ZNF521: variants seen among roughly 807,000 people sequenced by gnomAD.
ZNF521 encodes LYST-interacting protein 3.
ZNF521 carries 14 observed loss-of-function variants against 105.5 expected under a neutral mutation model. That is an observed-to-expected ratio of 0.13 (90% confidence interval 0.09 to 0.21). The LOEUF is 0.21. Among genes scored for constraint, ZNF521 ranks in the 10% least tolerant of loss-of-function variants. The pLI is 1.00. For missense variants in ZNF521, 1,233 were observed against 1,629.7 expected (o/e 0.76, Z 4.19); for synonymous variants, 635 against 606.0 (o/e 1.05, Z -0.70).
chr18:25,186,106 CT>C (rs1180263316), intron 5 of ZNF521, among the ~76,000 whole-genome samples: 2 of 152,162 alleles, frequency 1.3e-5, no homozygotes, highest in Non-Finnish European at 2.9e-5. Context: ...GAAAGTCTTA[CT>C]TTTCAGTCAG....
At chr18:25,245,797 G>A (rs998616333) in intron 3 of ZNF521, among the ~76,000 whole-genome samples, 1 of 152,112 alleles carries the variant, frequency 6.6e-6, no homozygotes, top group Non-Finnish European at 1.5e-5. Flanking sequence ...AGGATGGCTC[G>A]AGGCCTGGAG....
chr18:25,336,272 G>A (rs1169990628), intron 2 of ZNF521, among the ~76,000 whole-genome samples: 1 of 152,048 alleles, frequency 6.6e-6, no homozygotes, highest in African/African-American at 2.4e-5. Flanking sequence ...TGACTGAGGT[G>A]ATGCAGAAAA....
At chr18:25,329,503 C>A (rs963264380) in intron 2 of ZNF521, among the ~76,000 whole-genome samples, 3 of 152,122 alleles carry the variant, frequency 2.0e-5, no homozygotes, top group Non-Finnish European at 4.4e-5. Context: ...AACAAGAACA[C>A]AGCTCTCTAG....
chr18:25,229,390 G>A (rs540758005), intron 3 of ZNF521, among the ~76,000 whole-genome samples: 40 of 152,248 alleles, frequency 2.6e-4, no homozygotes, highest in Middle Eastern at 6.8e-3. Flanking sequence ...GTTGAAAACC[G>A]CATGATTTTG....
At chr18:25,237,894 G>A (rs1600195391) in intron 3 of ZNF521, among the ~76,000 whole-genome samples, 1 of 152,176 alleles carries the variant, frequency 6.6e-6, no homozygotes, top group Admixed American at 6.5e-5. Flanking sequence ...AGAAAGTCAA[G>A]GCTGTCATTC....
At chr18:25,187,795 T>C (rs2035752394) in intron 5 of ZNF521, among the ~76,000 whole-genome samples, 1 of 152,194 alleles carries the variant, frequency 6.6e-6, no homozygotes, top group Non-Finnish European at 1.5e-5. Flanking sequence ...AGCGAAGTAA[T>C]GGCAGCTTGA....
At chr18:25,209,162 C>T (rs1326764931) in intron 4 of ZNF521, among the ~76,000 whole-genome samples, 5 of 151,832 alleles carry the variant, frequency 3.3e-5, no homozygotes, top group Admixed American at 6.6e-5. Flanking sequence ...GACAGCATCT[C>T]GCTCTGTCAC....
At chr18:25,093,738 A>G (rs1368313932) in intron 5 of ZNF521, among the ~76,000 whole-genome samples, 1 of 152,196 alleles carries the variant, frequency 6.6e-6, no homozygotes, top group African/African-American at 2.4e-5. Context: ...TTCCTTGATT[A>G]TAATTATGTA....
chr18:25,132,755 C>G (rs540823237), intron 5 of ZNF521, among the ~76,000 whole-genome samples: 1 of 152,264 alleles, frequency 6.6e-6, no homozygotes, highest in East Asian at 1.9e-4. Context: ...CATGAGAATG[C>G]CCCCTTGGGC....
At position 25,062,687 on chromosome 18, in the gene ZNF521, T is replaced by C. The variant is rs760718188; in HGVS notation, c.*25A>G. 9 of 1,497,382 alleles carry C rather than the reference T, an allele frequency of 6.0e-6. No individual in the cohort carries two copies. The highest frequency in any genetic ancestry group is 8.0e-6 in the Non-Finnish European group (9 of 1,121,172). 92.8% of individuals were successfully genotyped at this position (1,497,382 alleles called of 1,614,324 possible). A position where few individuals can be genotyped will look rare whatever the true frequency, so the allele number is the denominator to read the frequency against. On this transcript the variant is annotated 3_prime_UTR_variant, in exon 8 of 8. Coordinates refer to ENST00000361524, the MANE Select transcript of ZNF521 (RefSeq NM_015461.3). ...TTCCCTTTTTGTGCCACAAAATCAA[T>C]TCTCCTTGAGAGACTGTACTTGCAC...
intron 7 of ZNF521, among the ~76,000 whole-genome samples, chr18:25,088,953 A>G (rs956938780): frequency 1.3e-5 from 2 of 152,196 alleles, no homozygotes; most frequent in African/African-American, 2.4e-5. Flanking sequence ...TTTGGGTGCA[A>G]AATTTTCAAC....
chr18:25,153,001 T>C (rs1822897585), intron 5 of ZNF521, among the ~76,000 whole-genome samples: 1 of 152,202 alleles, frequency 6.6e-6, no homozygotes, highest in South Asian at 2.1e-4. Flanking sequence ...TAGATATTTG[T>C]CTTAAAACAT....
At chr18:25,350,651 G>A (rs531179383) in intron 2 of ZNF521, among the ~76,000 whole-genome samples, 2 of 139,128 alleles carry the variant, frequency 1.4e-5, no homozygotes, top group African/African-American at 5.4e-5. Flanking sequence ...TTTTTTTTTC[G>A]GTTGTTGTTG....
intron 5 of ZNF521, among the ~76,000 whole-genome samples, chr18:25,108,758 G>A (rs1385069762): frequency 8.6e-6 from 1 of 115,830 alleles, no homozygotes; most frequent in Non-Finnish European, 1.9e-5. Context: ...CTGAGTAGCT[G>A]GGACTACAGG....
intron 5 of ZNF521, among the ~76,000 whole-genome samples, chr18:25,137,634 G>T (rs960467894): frequency 6.6e-6 from 1 of 152,032 alleles, no homozygotes; most frequent in African/African-American, 2.4e-5. Flanking sequence ...CATTTTTCCT[G>T]TCCAGATTCT....
At chr18:25,283,418 C>A (rs922430113) in intron 3 of ZNF521, among the ~76,000 whole-genome samples, 1 of 152,176 alleles carries the variant, frequency 6.6e-6, no homozygotes, top group Non-Finnish European at 1.5e-5. Flanking sequence ...GTCCAACATA[C>A]GCTAATTAAA....
intron 2 of ZNF521, among the ~76,000 whole-genome samples, chr18:25,332,742 C>G (rs1380964885): frequency 6.6e-6 from 1 of 152,132 alleles, no homozygotes; most frequent in African/African-American, 2.4e-5. Context: ...AATACAATCT[C>G]TCCAAAAGCC....
At chr18:25,293,053 T>C (rs1448731301) in intron 3 of ZNF521, among the ~76,000 whole-genome samples, 2 of 152,168 alleles carry the variant, frequency 1.3e-5, no homozygotes, top group Non-Finnish European at 2.9e-5. Flanking sequence ...CCATATATAT[T>C]CTGCCTTTAT....
At chr18:25,158,955 T>TAA (rs576679986) in intron 5 of ZNF521, among the ~76,000 whole-genome samples, 34 of 136,650 alleles carry the variant, frequency 2.5e-4, no homozygotes, top group Non-Finnish European at 3.6e-4. Context: ...GACTCCATCT[T>TAA]AAAAAAAAAA....
Sources: allele counts gnomAD v4.1 joint callset (sites outside exome capture counted in the v4.1 genomes callset), GRCh38; gene constraint gnomAD v4.1.1; transcripts MANE v1.5; gene names NCBI Gene and HGNC (gene_info 2026-07-23, HGNC 2026-07-21).